Variants in RPS6KA5 observed in about 807,000 individuals in gnomAD.
RPS6KA5 encodes ribosomal protein S6 kinase A5, also known as ribosomal protein S6 kinase alpha-5.
A neutral mutation model predicts 85.5 loss-of-function variants in RPS6KA5; 27 were observed. That is an observed-to-expected ratio of 0.32 (90% CI 0.23 to 0.44). The LOEUF (loss-of-function observed/expected upper bound fraction) is 0.44. Ranked by LOEUF, RPS6KA5 falls within the 20% of genes least tolerant of loss-of-function variation. RPS6KA5 has a pLI of 1.00. For missense variants in RPS6KA5, 811 were observed against 980.9 expected, an observed-to-expected ratio of 0.83 and a Z score of 2.31; for synonymous variants, 334 against 348.2, an observed-to-expected ratio of 0.96 and a Z score of 0.46.
At chr14:91,005,414 C>T (rs1440966864) in intron 1 of RPS6KA5, among the ~76,000 whole-genome samples, 1 of 152,140 alleles carries the variant, frequency 6.6e-6, no homozygotes, top group East Asian at 1.9e-4. Context: ...TTGTTTTTTG[C>T]CCCTGTTCCT....
intron 3 of RPS6KA5, among the ~76,000 whole-genome samples, chr14:90,973,302 G>T (rs920440029): frequency 3.9e-5 from 6 of 152,210 alleles, no homozygotes; most frequent in Middle Eastern, 3.4e-3. Context: ...AATTAGCCAG[G>T]TGTGGTGGCA....
chr14:90,894,260 A>G (rs2034711639), intron 13 of RPS6KA5, 153 bp downstream of exon 13: 1 of 1,259,586 alleles, frequency 7.9e-7, no homozygotes, highest in East Asian at 3.0e-5. Flanking sequence ...ATATAAAAGA[A>G]AAAACATCAA....
intron 1 of RPS6KA5, among the ~76,000 whole-genome samples, chr14:91,019,082 G>A (rs756596168): frequency 3.9e-5 from 6 of 152,056 alleles, no homozygotes; most frequent in Non-Finnish European, 7.3e-5. Flanking sequence ...ATCATGTTAG[G>A]CAGATTTATG....
intron 2 of RPS6KA5, among the ~76,000 whole-genome samples, chr14:90,999,206 T>TCAAAAAAA (rs903644106): frequency 1.2e-4 from 18 of 151,776 alleles, no homozygotes; most frequent in African/African-American, 4.4e-4. Flanking sequence ...AGGCTTCATC[T>TCAAAAAAA]CAAAAAAACA....
At chr14:90,959,576 A>T (rs1306580873) in intron 3 of RPS6KA5, among the ~76,000 whole-genome samples, 1 of 152,122 alleles carries the variant, frequency 6.6e-6, no homozygotes, top group Non-Finnish European at 1.5e-5. Flanking sequence ...CAGGTTTGGA[A>T]GGGGCTATCC....
intron 3 of RPS6KA5, among the ~76,000 whole-genome samples, chr14:90,977,330 A>G (rs1281690257): frequency 6.6e-6 from 1 of 152,230 alleles, no homozygotes; most frequent in Non-Finnish European, 1.5e-5. Flanking sequence ...ATGGTAGAAC[A>G]CTAGAAGCAC....
chr14:91,029,593 T>C (rs1455549764), intron 1 of RPS6KA5, among the ~76,000 whole-genome samples: 7 of 152,210 alleles, frequency 4.6e-5, no homozygotes, highest in Non-Finnish European at 1.0e-4. Context: ...CTCAAGCAAG[T>C]TACTTAACCT....
intron 2 of RPS6KA5, among the ~76,000 whole-genome samples, chr14:90,990,506 C>T (rs1439532130): frequency 1.3e-5 from 2 of 152,136 alleles, no homozygotes; most frequent in African/African-American, 4.8e-5. Context: ...TACCACTCAA[C>T]CCAGAAATCC....
intron 8 of RPS6KA5, among the ~76,000 whole-genome samples, chr14:90,903,565 C>T (rs2035310013): frequency 6.6e-6 from 1 of 152,196 alleles, no homozygotes; most frequent in Non-Finnish European, 1.5e-5. Context: ...TGTGTTCAAG[C>T]ATTTTAAACA....
At chr14:90,947,642 A>T (rs1016186483) in intron 3 of RPS6KA5, 92 bp from the exon 4 acceptor site, 34 of 718,970 alleles carry the variant, frequency 4.7e-5, no homozygotes, top group Non-Finnish European at 6.4e-5. Context: ...ACCATAAGGC[A>T]CTGATTTTAA....
Position 90,900,220 on chromosome 14 carries a change from A to G in RPS6KA5, c.1267T>C (p.Tyr423His). ...MMKDSPFYQH[Y>H]DLDLKDKPLG... is the part of the protein sequence containing the mutation. Reference sequence around the variant, plus strand: ...GGTTTGTCCTTCAAATCTAGGTCATAGTGTTGATAGAATGGAGAGTCCTGT... The same window carrying G: ...GGTTTGTCCTTCAAATCTAGGTCATGGTGTTGATAGAATGGAGAGTCCTGT... Residue 423 changes from tyrosine to histidine, a missense_variant, in exon 11 of 17, where the codon TAT (tyrosine) becomes CAT (histidine). Around this residue, in one of 3 missense-constraint regions of RPS6KA5, gnomAD observed 650 missense variants for 793.4 expected, o/e 0.82. Transcript: ENST00000614987. 1 of 1,596,468 alleles carries G rather than the reference A, an allele frequency of 6.3e-7. No individual in the cohort carries two copies. The highest frequency in any genetic ancestry group is 8.5e-7 in the Non-Finnish European group (1 of 1,170,900).
At chr14:90,948,684 G>C (rs1185787924) in intron 3 of RPS6KA5, among the ~76,000 whole-genome samples, 1 of 149,986 alleles carries the variant, frequency 6.7e-6, no homozygotes, top group African/African-American at 2.5e-5. Flanking sequence ...GAAAGAGTGA[G>C]ACTCTGTCTC....
intron 2 of RPS6KA5, among the ~76,000 whole-genome samples, chr14:90,984,005 C>T (rs1209820123): frequency 2.0e-5 from 3 of 152,112 alleles, no homozygotes; most frequent in Non-Finnish European, 4.4e-5. Context: ...CGACCACACC[C>T]AGCTAATTTT....
chr14:90,968,434 T>C (rs2039173072), intron 3 of RPS6KA5, among the ~76,000 whole-genome samples: 1 of 152,202 alleles, frequency 6.6e-6, no homozygotes, highest in South Asian at 2.1e-4. Context: ...AATTCTTCTT[T>C]ACCATGTAGC....
chr14:91,006,297 ATAG>A (rs1399955635), intron 1 of RPS6KA5, among the ~76,000 whole-genome samples: 1 of 152,108 alleles, frequency 6.6e-6, no homozygotes, highest in East Asian at 1.9e-4. Context: ...TTCAACATAC[ATAG>A]TAGTTAGCTA....
At chr14:90,999,780 G>C (rs887826178) in intron 2 of RPS6KA5, among the ~76,000 whole-genome samples, 2 of 152,178 alleles carry the variant, frequency 1.3e-5, no homozygotes, top group Non-Finnish European at 2.9e-5. Flanking sequence ...TCTTCTACAT[G>C]CAGGGATCTC....
In RPS6KA5 at chr14:90,866,680, T is replaced by C. The variant is rs2032815832; in HGVS notation, c.*5394A>G. 1 of 152,244 alleles carries C rather than the reference T, an allele frequency of 6.6e-6. No individual in the cohort carries two copies. The highest frequency in any genetic ancestry group is 2.4e-5 in the African/African-American group (1 of 41,472). The allele number at this position is 152,244 out of a possible 1,614,324, so 9.4% of individuals were successfully genotyped here. ...GAAGTTTAAATTCTACACATAAGGA[T>C]ACATACCATTTTTACCAGCTATACT... On this transcript the variant is annotated 3_prime_UTR_variant, in exon 17 of 17. Transcript: ENST00000614987.
chr14:90,903,172 A>T (rs1450865296), intron 8 of RPS6KA5, among the ~76,000 whole-genome samples: 1 of 152,152 alleles, frequency 6.6e-6, no homozygotes, highest in Non-Finnish European at 1.5e-5. Context: ...TGCCTCAAAG[A>T]TGAGACTATC....
intron 3 of RPS6KA5, among the ~76,000 whole-genome samples, chr14:90,965,879 A>C (rs943189586): frequency 4.6e-5 from 7 of 152,156 alleles, no homozygotes; most frequent in African/African-American, 1.7e-4. Context: ...GCTCAAAAGA[A>C]GGTAGGGCTC....
Sources: allele counts gnomAD v4.1 joint callset (sites outside exome capture counted in the v4.1 genomes callset), GRCh38; gene constraint gnomAD v4.1.1; regional missense constraint gnomAD v4.1.1; transcripts MANE v1.5; gene names NCBI Gene and HGNC (gene_info 2026-07-23, HGNC 2026-07-21).